The following GAS7 variants were observed in gnomAD, a reference collection of about 807,000 sequenced individuals.
The protein encoded by GAS7 is growth arrest specific 7.
Under a neutral mutation model 71.1 loss-of-function variants are expected in GAS7, and 28 were observed. That is an observed-to-expected ratio of 0.39 (90% CI 0.29 to 0.54). The LOEUF is 0.54. Among genes scored for constraint, GAS7 ranks in the 20% least tolerant of loss-of-function variants. GAS7 has a pLI of 0.62. For synonymous variants in GAS7, 258 were observed against 245.8 expected, an observed-to-expected ratio of 1.05 and a Z score of -0.46; for missense variants, 436 against 627.8, an observed-to-expected ratio of 0.69 and a Z score of 3.27.
chr17:10,167,283 C>T (rs930001889), intron 1 of GAS7, among the ~76,000 whole-genome samples: 2 of 151,874 alleles, frequency 1.3e-5, no homozygotes, highest in Admixed American at 6.6e-5. Context: ...TCTCGAACTC[C>T]TGACCTCAGG....
At chr17:9,927,286 T>TACATACACAC (rs1555589639) in intron 9 of GAS7, among the ~76,000 whole-genome samples, 86 of 68,748 alleles carry the variant, frequency 1.3e-3, no homozygotes, top group African/African-American at 3.1e-3. Flanking sequence ...CCATCTCTAC[T>TACATACACAC]ACATACACAC....
At chr17:10,174,517 C>A (rs1365917393) in intron 1 of GAS7, among the ~76,000 whole-genome samples, 2 of 151,180 alleles carry the variant, frequency 1.3e-5, no homozygotes, top group African/African-American at 4.9e-5. Flanking sequence ...ATGGTGAAAC[C>A]CCGTCTCTAC....
rs1209336777 is a variant in GAS7, at chr17:10,026,641, A to G, written c.184-6744T>C. On this transcript the variant is annotated intron_variant, in intron 1 of 13. Coordinates refer to ENST00000432992, the MANE Select transcript of GAS7 (RefSeq NM_201433.2). The surrounding 1 kb of genome is among the most constrained non-coding windows in gnomAD (Gnocchi z 4.5). ...TCTGCACTCCTCAGGGAGTCAACCAATTACTAATGGGGCTGCCAGAGCCCA... is the reference window on the plus strand; with the variant it reads ...TCTGCACTCCTCAGGGAGTCAACCAGTTACTAATGGGGCTGCCAGAGCCCA... 6.6e-6 allele frequency among the ~76,000 whole-genome samples: 1 copy of G among 152,076 alleles called. No homozygotes were observed. The highest frequency in any genetic ancestry group is 1.5e-5 in the Non-Finnish European group (1 of 68,020).
chr17:10,058,794 CA>C (rs1265749414), intron 1 of GAS7, among the ~76,000 whole-genome samples: 3 of 152,198 alleles, frequency 2.0e-5, no homozygotes, highest in Non-Finnish European at 2.9e-5. Flanking sequence ...AGATATTTAG[CA>C]CATCTTGAGG....
intron 1 of GAS7, among the ~76,000 whole-genome samples, chr17:10,135,120 C>T (rs915697409): frequency 1.3e-5 from 2 of 152,126 alleles, no homozygotes; most frequent in African/African-American, 4.8e-5. Flanking sequence ...TGTGAGCCAA[C>T]GCAGCCCGGC....
In GAS7 at chr17:9,931,760, T is replaced by C. The variant is rs533017674; in HGVS notation, c.885+2406A>G. 5.9e-5 allele frequency among the ~76,000 whole-genome samples: 9 copies of C among 152,314 alleles called. No individual in the cohort carries two copies. The South Asian group carries it at 1.7e-3, about 28-fold the overall frequency. ...CACTGGCTGGGAATTCTCACTCACA[T>C]CTGGGTGTCAACTCAATCTTGGGGC... On this transcript the variant is annotated intron_variant, in intron 9 of 13. Transcript: ENST00000432992.
At chr17:9,917,661 A>G (rs2067629021) in intron 13 of GAS7, among the ~76,000 whole-genome samples, 1 of 152,262 alleles carries the variant, frequency 6.6e-6, no homozygotes, top group Admixed American at 6.5e-5. Context: ...CTTGAGCTTT[A>G]GGTATTGTGA....
At chr17:10,070,618 C>T (rs904913575) in intron 1 of GAS7, among the ~76,000 whole-genome samples, 21 of 152,238 alleles carry the variant, frequency 1.4e-4, no homozygotes, top group African/African-American at 4.1e-4. Context: ...CCTGCCTCAG[C>T]CTCCCAAAGT....
At chr17:9,993,093 G>A (rs1203791968) in intron 2 of GAS7, among the ~76,000 whole-genome samples, 6 of 152,052 alleles carry the variant, frequency 3.9e-5, no homozygotes, top group Admixed American at 3.9e-4. Flanking sequence ...ATAGCAGCAT[G>A]ATTTATAGTC....
At chr17:10,151,813 T>A (rs896737715) in intron 1 of GAS7, among the ~76,000 whole-genome samples, 1 of 152,216 alleles carries the variant, frequency 6.6e-6, no homozygotes, top group Admixed American at 6.5e-5. Context: ...CCCAAAGTGC[T>A]AGGATTACAA....
intron 5 of GAS7, among the ~76,000 whole-genome samples, chr17:9,957,078 T>C (rs2069272230): frequency 2.6e-5 from 4 of 152,154 alleles, no homozygotes; most frequent in Admixed American, 2.6e-4. Flanking sequence ...GCTCCTCACT[T>C]GTTTTGTGAC....
chr17:10,076,140 A>AG (rs1290134836), intron 1 of GAS7, among the ~76,000 whole-genome samples: 6 of 122,832 alleles, frequency 4.9e-5, no homozygotes, highest in African/African-American at 1.6e-4. Context: ...GGGAAAACGA[A>AG]GGGGGGGAAT....
chr17:10,093,217 G>C (rs186065857), intron 1 of GAS7, among the ~76,000 whole-genome samples: 2 of 152,268 alleles, frequency 1.3e-5, no homozygotes, highest in African/African-American at 4.8e-5. Flanking sequence ...ACCTTTATAA[G>C]GAAGCTGTTG....
chr17:9,945,151 C>T (rs547638102), intron 6 of GAS7, among the ~76,000 whole-genome samples: 1 of 152,172 alleles, frequency 6.6e-6, no homozygotes, highest in African/African-American at 2.4e-5. Context: ...AGGGCTCAAA[C>T]CACTCTCTCC....
At chr17:10,139,086 A>G (rs2074061979) in intron 1 of GAS7, among the ~76,000 whole-genome samples, 1 of 152,268 alleles carries the variant, frequency 6.6e-6, no homozygotes, top group South Asian at 2.1e-4. Flanking sequence ...AGACACAAAA[A>G]GGACATTAAA....
At position 9,969,080 on chromosome 17, in the gene GAS7, C is replaced by G. The variant is rs1188802835; in HGVS notation, c.471+597G>C. On this transcript the variant is annotated intron_variant, in intron 4 of 13. Transcript: ENST00000432992. The surrounding 1 kb of genome is among the most constrained non-coding windows in gnomAD (Gnocchi z 5.5). ...CACTGAGTAATCCTGTGAGCCTGCA[C>G]AGGTCACAAAACCAGTTGGAGCCTC... Among the ~76,000 whole-genome samples the G allele has an allele frequency of 3.3e-5, 5 of 152,206 alleles. No individual in the cohort carries two copies. Among genetic ancestry groups the G allele is most frequent in the Non-Finnish European group, 1.5e-5 (1 of 68,038 alleles).
intron 5 of GAS7, among the ~76,000 whole-genome samples, chr17:9,950,555 GT>G (rs1271487527): frequency 6.6e-6 from 1 of 152,092 alleles, no homozygotes; most frequent in Non-Finnish European, 1.5e-5. Context: ...AATCAAGATA[GT>G]TTTTTAAAAG....
chr17:10,097,678 T>G (rs570637019), intron 1 of GAS7, among the ~76,000 whole-genome samples: 4,693 of 152,118 alleles, frequency 0.031, 218 homozygotes, highest in African/African-American at 0.11. Flanking sequence ...CGCAGGCAGG[T>G]ATGGCAGGCA....
intron 1 of GAS7, among the ~76,000 whole-genome samples, chr17:10,117,294 A>C (rs2073869266): frequency 6.6e-6 from 1 of 151,992 alleles, no homozygotes; most frequent in African/African-American, 2.4e-5. Flanking sequence ...CTTGGCTTAC[A>C]CTGGGCCCAC....
Sources: gnomAD v4.1 joint callset for allele counts (sites outside exome capture counted in the v4.1 genomes callset) on GRCh38, gnomAD v4.1.1 for gene constraint, Gnocchi (gnomAD v3.1) non-coding constraint, MANE v1.5 for transcripts, NCBI Gene and HGNC (gene_info 2026-07-23, HGNC 2026-07-21) for gene names.